The following CHD5 variants were observed in gnomAD, a reference collection of about 807,000 sequenced individuals.
The protein encoded by CHD5 is ATP-dependent chromatin remodeler CHD5.
A neutral mutation model predicts 230.3 loss-of-function variants in CHD5; 69 were observed. The observed-to-expected ratio is 0.30, with a 90% CI of 0.25 to 0.37. CHD5 has a LOEUF of 0.37. Ranked by LOEUF, CHD5 falls within the 10% of genes least tolerant of loss-of-function variation. The pLI, the probability that CHD5 is intolerant of heterozygous loss-of-function variation, is 1.00. For synonymous variants in CHD5, 1,064 were observed against 1,065.9 expected (o/e 1.00, Z 0.03); for missense variants, 1,827 against 2,622.8 (o/e 0.70, Z 6.63).
At chr1:6,151,696 G>A (rs776998820) in intron 6 of CHD5, among the ~76,000 whole-genome samples, 3 of 152,206 alleles carry the variant, frequency 2.0e-5, no homozygotes, top group Non-Finnish European at 4.4e-5. Context: ...GAACTGGACC[G>A]TCAGCTCCAG....
intron 15 of CHD5, among the ~76,000 whole-genome samples, chr1:6,141,311 T>C (rs191467679): frequency 0.01 from 1,507 of 145,916 alleles, 33 homozygotes; most frequent in African/African-American, 0.036. Flanking sequence ...TAATTAATAA[T>C]AATAATAATA....
chr1:6,166,001 G>A (rs1175553918), intron 2 of CHD5, among the ~76,000 whole-genome samples: 1 of 151,974 alleles, frequency 6.6e-6, no homozygotes, highest in East Asian at 1.9e-4. Flanking sequence ...CACAGACCCG[G>A]GTTCCCCCTT....
Position 6,154,027 on chromosome 1 carries a change from T to C in CHD5, c.745+633A>G, listed in dbSNP as rs12075931. Among the ~76,000 whole-genome samples the C allele has an allele frequency of 0.042, 6,422 of 151,972 alleles. 433 individuals are homozygous for C. Among genetic ancestry groups the C allele is most frequent in the African/African-American group, 0.15 (6,086 of 41,386 alleles). ...CCTCCCCACCCAGACGCCCTGCCAC[T>C]GAGGCAGAATTTGGATCTCGATCTC... On this transcript the variant is annotated intron_variant, in intron 5 of 41. Coordinates refer to ENST00000262450, the MANE Select transcript of CHD5 (RefSeq NM_015557.3). This position sits in a 1 kb window ranked among gnomAD's most constrained non-coding sequence, Gnocchi z 7.0.
chr1:6,130,769 C>A lies in CHD5; in HGVS notation c.3263-441G>T, dbSNP rs542915246. ...CGCAGCTCCGGGACCTGGGGTCCCA[C>A]CCCACTGGGCAACCCTGTCACAGGA... On this transcript the variant is annotated intron_variant, in intron 21 of 41. Transcript: ENST00000262450. The surrounding 1 kb of genome is among the most constrained non-coding windows in gnomAD (Gnocchi z 4.9). Among the ~76,000 whole-genome samples, 1 of 152,322 alleles carries A rather than the reference C, an allele frequency of 6.6e-6. No individual in the cohort carries two copies. The highest frequency in any genetic ancestry group is 1.9e-4 in the East Asian group (1 of 5,168).
chr1:6,158,468 T>C (rs1367753702), intron 3 of CHD5, among the ~76,000 whole-genome samples: 1 of 152,346 alleles, frequency 6.6e-6, no homozygotes. Context: ...TTCCTGACAC[T>C]AAACTTGAGC....
intron 9 of CHD5, among the ~76,000 whole-genome samples, chr1:6,148,098 T>A (rs777044247): frequency 6.6e-6 from 1 of 152,102 alleles, no homozygotes; most frequent in Non-Finnish European, 1.5e-5. Flanking sequence ...CAGACAAGTA[T>A]GCGCACGGAT....
intron 1 of CHD5, among the ~76,000 whole-genome samples, chr1:6,175,957 C>G (rs1667420917): frequency 6.6e-6 from 1 of 151,176 alleles, no homozygotes; most frequent in Non-Finnish European, 1.5e-5. Context: ...TGAACGGTTA[C>G]TTGGTTGGTT....
Position 6,125,434 on chromosome 1 carries a change from A to G in CHD5, c.4260+90T>C. 7.1e-7 allele frequency: 1 copy of G among 1,404,392 alleles called. No individual in the cohort carries two copies. The highest frequency in any genetic ancestry group is 9.8e-7 in the Non-Finnish European group (1 of 1,021,984). 87.0% of individuals were successfully genotyped at this position (1,404,392 alleles called of 1,614,324 possible). A position where few individuals can be genotyped will look rare whatever the true frequency, so the allele number is the denominator to read the frequency against. ...CCAAGCTCCGCCTCTACCTGGCATG[A>G]GACCCGGGGCAGTCCCCCAGCCCTC... On this transcript the variant is annotated intron_variant, in intron 28 of 41. Transcript: ENST00000262450. This position sits in a 1 kb window ranked among gnomAD's most constrained non-coding sequence, Gnocchi z 6.7.
chr1:6,135,369 T>C lies in CHD5; in HGVS notation c.2731A>G (p.Ile911Val). The C allele has an allele frequency of 1.2e-6, 2 of 1,613,272 alleles. No individual in the cohort carries two copies. Among genetic ancestry groups the C allele is most frequent in the Non-Finnish European group, 1.7e-6 (2 of 1,179,508 alleles). Residue 911 changes from isoleucine to valine, a missense_variant, in exon 18 of 42, where the codon ATC becomes GTC. Coordinates refer to ENST00000262450, the MANE Select transcript of CHD5 (RefSeq NM_015557.3). ...LEGFLEEFAD[I>V]SKEDQIKKLH... ...TTCTTGATCTGGTCTTCCTTGGAGA[T>C]GTCAGCAAACTCCTCCAGGAAGCCC...
chr1:6,106,630 G>A lies in CHD5; in HGVS notation c.5728C>T (p.Pro1910Ser). ...LSRLTNRAGD[P>S]TIQQGAFGSS... is the part of the protein sequence containing the mutation. ...CCGAGCCTGACCTGCTGGATGGTGG[G>A]GTCCCCGGCGCGGTTGGTCAGGCGG... is the stretch of plus-strand genomic sequence containing the variant. Residue 1910 changes from proline to serine, a missense_variant, in exon 39 of 42, where the codon CCC becomes TCC. Pro to Ser is a moderately conservative substitution (Grantham distance 74). Around this residue, in one of 14 missense-constraint regions of CHD5, gnomAD observed 208 missense variants for 302.0 expected, o/e 0.69. Transcript: ENST00000262450. 6.3e-7 allele frequency: 1 copy of A among 1,579,976 alleles called. No individual in the cohort carries two copies.
chr1:6,135,420 G>A lies in CHD5; in HGVS notation c.2697-17C>T, dbSNP rs1238817999. On this transcript the variant is annotated splice_polypyrimidine_tract_variant and intron_variant, in intron 17 of 41. Transcript: ENST00000262450. ...TCCAGGTTGCTGCAACAAAAAGCTGGGATAACAGCCAGGAGCAGAGGACCG... is the reference window on the plus strand; with the variant it reads ...TCCAGGTTGCTGCAACAAAAAGCTGAGATAACAGCCAGGAGCAGAGGACCG... 6.3e-7 allele frequency: 1 copy of A among 1,591,698 alleles called. No homozygotes were observed. Among genetic ancestry groups the A allele is most frequent in the African/African-American group, 1.3e-5 (1 of 74,530 alleles).
In CHD5 at chr1:6,134,132, G is replaced by A; in HGVS notation, c.3140C>T (p.Ser1047Phe). Residue 1047 changes from serine (S) to phenylalanine (F), a missense_variant, in exon 20 of 42, where the codon TCC becomes TTC. Physicochemically the swap from Ser to Phe is radical, Grantham distance 155 (BLOSUM62 -2). This residue lies in a region of CHD5 where 81 missense variants were observed against 245.4 expected (regional missense o/e 0.33). Transcript: ENST00000262450. This position sits in a 1 kb window ranked among gnomAD's most constrained non-coding sequence, Gnocchi z 6.3. ...RDEGHRVLIF[S>F]QMTKMLDLLE... ...GGGTGGGCAGGGGCAGCGCACCTGGGAGAAGATGAGCACACGGTGCCCCTC... is the reference window on the plus strand; with the variant it reads ...GGGTGGGCAGGGGCAGCGCACCTGGAAGAAGATGAGCACACGGTGCCCCTC... The A allele has an allele frequency of 1.2e-6, 2 of 1,612,658 alleles. No individual in the cohort carries two copies. Among genetic ancestry groups the A allele is most frequent in the Non-Finnish European group, 1.7e-6 (2 of 1,179,894 alleles).
In CHD5 at chr1:6,134,790, T is replaced by C; in HGVS notation, c.2940A>G (p.Val980=). The part of the protein sequence containing the change: ...ALNSKGGGNQ[V]SLLNIMMDLK... ...GGTCCATCATGATGTTGAGCAGCGA[T>C]ACTTGGTTCCCGCCCCCCTTGGAGT... The change falls in exon 19 of 42, where the codon GTA becomes GTG. Residue 980 remains valine, a synonymous_variant. Transcript: ENST00000262450. This position sits in a 1 kb window ranked among gnomAD's most constrained non-coding sequence, Gnocchi z 6.3. The C allele has an allele frequency of 1.2e-6, 2 of 1,614,128 alleles. No individual in the cohort carries two copies. Among genetic ancestry groups the C allele is most frequent in the Non-Finnish European group, 8.5e-7 (1 of 1,179,978 alleles).
intron 3 of CHD5, among the ~76,000 whole-genome samples, chr1:6,156,563 A>G (rs1667084336): frequency 6.7e-6 from 1 of 149,208 alleles, no homozygotes. Flanking sequence ...AAAAGACATG[A>G]GGCCTCCCCA....
chr1:6,113,145 C>T, intron 33 of CHD5, 147 bp from the exon 34 acceptor site: 1 of 655,722 alleles, frequency 1.5e-6, no homozygotes. Context: ...CTCTCCTCGG[C>T]CAGGTGCAGT....
chr1:6,119,807 A>G (rs111528318), intron 33 of CHD5, among the ~76,000 whole-genome samples: 12 of 147,884 alleles, frequency 8.1e-5, no homozygotes, highest in Admixed American at 2.7e-4. Context: ...ATGTACGTAC[A>G]TATATACGTA....
Position 6,130,436 on chromosome 1 carries a change from G to T in CHD5, c.3263-108C>A. 1 of 1,048,182 alleles carries T rather than the reference G, an allele frequency of 9.5e-7. No individual in the cohort carries two copies. The highest frequency in any genetic ancestry group is 1.4e-6 in the Non-Finnish European group (1 of 719,362). 64.9% of individuals were successfully genotyped at this position (1,048,182 alleles called of 1,614,324 possible). A position where few individuals can be genotyped will look rare whatever the true frequency, so the allele number is the denominator to read the frequency against. On this transcript the variant is annotated intron_variant, in intron 21 of 41. Transcript: ENST00000262450. The surrounding 1 kb of genome is among the most constrained non-coding windows in gnomAD (Gnocchi z 4.9). Reference sequence around the variant, plus strand: ...GAAGGAACTGCAGCAACAGATCCCTGGCAGAGAAGGACAAAGCCGGAGACC... The same window carrying T: ...GAAGGAACTGCAGCAACAGATCCCTTGCAGAGAAGGACAAAGCCGGAGACC...
chr1:6,125,732 A>G lies in CHD5; in HGVS notation c.4171+34T>C, dbSNP rs202071253. Reference sequence around the variant, plus strand: ...CCATCAGCTCCCCTGACATGGCCTCAGCAGTAGCCCAGACCACTAACACTG... The same window carrying G: ...CCATCAGCTCCCCTGACATGGCCTCGGCAGTAGCCCAGACCACTAACACTG... On this transcript the variant is annotated intron_variant, in intron 27 of 41. Coordinates refer to ENST00000262450, the MANE Select transcript of CHD5 (RefSeq NM_015557.3). The surrounding 1 kb of genome is among the most constrained non-coding windows in gnomAD (Gnocchi z 6.7). 2,652 of 1,593,650 alleles carry G rather than the reference A, an allele frequency of 1.7e-3. 5 individuals carry two copies. The highest frequency in any genetic ancestry group is 2.0e-3 in the Non-Finnish European group (2,327 of 1,161,392).
intron 1 of CHD5, 41 bp downstream of exon 1, chr1:6,179,904 C>CCCCGCCGCT: frequency 8.6e-7 from 1 of 1,164,118 alleles, no homozygotes. Flanking sequence ...GTCTCGGCGC[C>CCCCGCCGCT]CCCGCCGCTC....
Sources: gnomAD v4.1 joint callset for allele counts (sites outside exome capture counted in the v4.1 genomes callset) on GRCh38, gnomAD v4.1.1 for gene constraint, gnomAD v4.1.1 regional missense constraint, Gnocchi (gnomAD v3.1) non-coding constraint, MANE v1.5 for transcripts, NCBI Gene and HGNC (gene_info 2026-07-23, HGNC 2026-07-21) for gene names.